ATP8A1: variants seen among roughly 807,000 people sequenced by gnomAD.
ATP8A1 encodes phospholipid-transporting ATPase IA.
A neutral mutation model predicts 177.7 loss-of-function variants in ATP8A1; 90 were observed. The observed-to-expected ratio is 0.51, with a 90% confidence interval of 0.43 to 0.60. The LOEUF (loss-of-function observed/expected upper bound fraction) is 0.60. Ranked by LOEUF, ATP8A1 falls within the 20% of genes least tolerant of loss-of-function variation. ATP8A1 has a pLI of 0.00. For missense variants in ATP8A1, 1,072 were observed against 1,392.8 expected (o/e 0.77, Z 3.67); for synonymous variants, 493 against 485.9 (o/e 1.01, Z -0.19).
intron 27 of ATP8A1, among the ~76,000 whole-genome samples, chr4:42,460,211 T>G (rs1718954865): frequency 6.6e-6 from 1 of 152,084 alleles, no homozygotes; most frequent in Non-Finnish European, 1.5e-5. Flanking sequence ...AGAACTATGC[T>G]CAGTCAACAT....
intron 5 of ATP8A1, among the ~76,000 whole-genome samples, chr4:42,603,761 G>A (rs1374466502): frequency 1.3e-5 from 2 of 152,048 alleles, no homozygotes; most frequent in Non-Finnish European, 2.9e-5. Flanking sequence ...CTCCCAACTG[G>A]ATGTCTGTAT....
At chr4:42,443,811 G>A in intron 32 of ATP8A1, 139 bp from the exon 33 acceptor site, 1 of 546,496 alleles carries the variant, frequency 1.8e-6, no homozygotes, top group Non-Finnish European at 3.2e-6. Context: ...CTACCTAATT[G>A]TGTGTGTTTT....
intron 20 of ATP8A1, among the ~76,000 whole-genome samples, chr4:42,536,118 T>C (rs1727803020): frequency 6.6e-6 from 1 of 152,136 alleles, no homozygotes; most frequent in Non-Finnish European, 1.5e-5. Context: ...AGAGCAGAAC[T>C]AAATGAAATT....
intron 1 of ATP8A1, among the ~76,000 whole-genome samples, chr4:42,634,093 TTCGAGGAC>T (rs1302188338): frequency 3.9e-5 from 6 of 152,170 alleles, no homozygotes; most frequent in Admixed American, 2.0e-4. Context: ...GAAAGACCAT[TTCGAGGAC>T]ACTGTGATAA....
intron 16 of ATP8A1, among the ~76,000 whole-genome samples, chr4:42,555,126 TATCTATCTATCTAATCTATC>T (rs1187224605): frequency 8.0e-4 from 64 of 79,954 alleles, no homozygotes; most frequent in Middle Eastern, 5.6e-3. Flanking sequence ...TCTATCTATC[TATCTATCTATCTAATCTATC>T]TATCTATCTA....
intron 33 of ATP8A1, among the ~76,000 whole-genome samples, chr4:42,439,443 T>C (rs946988125): frequency 1.3e-5 from 2 of 152,228 alleles, no homozygotes; most frequent in Non-Finnish European, 2.9e-5. Context: ...CTCTATAACC[T>C]CTATTTCACT....
At chr4:42,516,927 C>T (rs574413406) in intron 22 of ATP8A1, among the ~76,000 whole-genome samples, 1 of 152,206 alleles carries the variant, frequency 6.6e-6, no homozygotes, top group South Asian at 2.1e-4. Flanking sequence ...TCAGAGAAAC[C>T]CCTGCCAATG....
chr4:42,636,146 A>ACG (rs1190211574), intron 1 of ATP8A1, among the ~76,000 whole-genome samples: 5 of 28,962 alleles, frequency 1.7e-4, no homozygotes, highest in African/African-American at 3.7e-4. Flanking sequence ...ACACACACAC[A>ACG]CACACACACA....
intron 14 of ATP8A1, 104 bp downstream of exon 14, chr4:42,574,515 C>G (rs1053517845): frequency 1.1e-6 from 1 of 885,776 alleles, no homozygotes; most frequent in Non-Finnish European, 1.7e-6. Context: ...CTAAAAAAAA[C>G]CAAACAACCC....
intron 14 of ATP8A1, among the ~76,000 whole-genome samples, chr4:42,572,313 T>C (rs546469426): frequency 1.6e-4 from 25 of 152,294 alleles, no homozygotes; most frequent in South Asian, 1.0e-3. Flanking sequence ...TGGATTCCCA[T>C]AATCCAAGAG....
intron 29 of ATP8A1, 110 bp from the exon 30 acceptor site, chr4:42,452,169 C>A: frequency 2.9e-6 from 2 of 700,402 alleles, no homozygotes; most frequent in South Asian, 2.0e-5. Flanking sequence ...TTCTGTCGGG[C>A]CACCACTGTG....
rs1166088235 is a variant in ATP8A1, at chr4:42,551,207, A to T, written c.1593T>A (p.Ile531=). Residue 531 remains isoleucine, a synonymous_variant, in exon 18 of 37, where the codon ATT becomes ATA. Coordinates refer to ENST00000381668, the MANE Select transcript of ATP8A1 (RefSeq NM_006095.2). The part of the protein sequence containing the change: ...VFTGRTPDSV[I]IDSLGQEERY... ...AAAACAACTAACTTACTGAATCTATAATCACCGAGTCGGGTGTTCTTCCAG... is the reference window on the plus strand; with the variant it reads ...AAAACAACTAACTTACTGAATCTATTATCACCGAGTCGGGTGTTCTTCCAG... 2 of 1,612,936 alleles carry T rather than the reference A, an allele frequency of 1.2e-6. No individual in the cohort carries two copies. The highest frequency in any genetic ancestry group is 1.7e-6 in the Non-Finnish European group (2 of 1,179,000).
At chr4:42,642,000 T>A (rs1323468186) in intron 1 of ATP8A1, among the ~76,000 whole-genome samples, 1 of 151,686 alleles carries the variant, frequency 6.6e-6, no homozygotes, top group African/African-American at 2.4e-5. Context: ...TTTTTTTTTT[T>A]AAACAAAGTC....
chr4:42,496,340 T>C (rs1416327119), intron 24 of ATP8A1, among the ~76,000 whole-genome samples: 1 of 152,170 alleles, frequency 6.6e-6, no homozygotes, highest in African/African-American at 2.4e-5. Flanking sequence ...ATGGTAATTA[T>C]TTTAAACCAC....
intron 33 of ATP8A1, among the ~76,000 whole-genome samples, chr4:42,427,660 C>A (rs1714774804): frequency 6.6e-6 from 1 of 152,210 alleles, no homozygotes; most frequent in Non-Finnish European, 1.5e-5. Context: ...CCAGCTTTTG[C>A]TTATCAGTAT....
At chr4:42,471,568 T>A (rs1366560385) in intron 25 of ATP8A1, among the ~76,000 whole-genome samples, 1 of 152,236 alleles carries the variant, frequency 6.6e-6, no homozygotes, top group Non-Finnish European at 1.5e-5. Flanking sequence ...TGCATGTATG[T>A]GCATGTGTGC....
chr4:42,508,602 TA>T (rs1475579904), intron 22 of ATP8A1, among the ~76,000 whole-genome samples: 1 of 152,342 alleles, frequency 6.6e-6, no homozygotes, highest in Non-Finnish European at 1.5e-5. Context: ...GATTAAGATA[TA>T]AAATTTTATT....
chr4:42,636,404 G>T (rs1007480792), intron 1 of ATP8A1, among the ~76,000 whole-genome samples: 2 of 95,712 alleles, frequency 2.1e-5, no homozygotes, highest in East Asian at 2.6e-4. Flanking sequence ...AGACGGGTAG[G>T]GGGAGAGAGA....
chr4:42,514,560 G>C (rs1162214575), intron 22 of ATP8A1, among the ~76,000 whole-genome samples: 1 of 152,168 alleles, frequency 6.6e-6, no homozygotes, highest in Non-Finnish European at 1.5e-5. Context: ...TCACTAAGTA[G>C]CTGAGTCTCA....
Sources: gnomAD v4.1 joint callset for allele counts (sites outside exome capture counted in the v4.1 genomes callset) on GRCh38, gnomAD v4.1.1 for gene constraint, MANE v1.5 for transcripts, NCBI Gene and HGNC (gene_info 2026-07-23, HGNC 2026-07-21) for gene names.